Variants in TXLNB observed in about 807,000 individuals in gnomAD.
The protein encoded by TXLNB is taxilin beta, also known as beta-taxilin.
In TXLNB, 37 loss-of-function variants were observed where a neutral mutation model predicts 57.4. The ratio of observed to expected loss-of-function variants is 0.64; its 90% CI spans 0.50 to 0.85. TXLNB has a LOEUF of 0.85. Among genes scored for constraint, TXLNB ranks in the 40% least tolerant of loss-of-function variants. TXLNB has a pLI of 0.00. For missense variants in TXLNB, 848 were observed against 825.6 expected, an observed-to-expected ratio of 1.03 and a Z score of -0.33; for synonymous variants, 302 against 309.6, an observed-to-expected ratio of 0.98 and a Z score of 0.26.
At chr6:139,257,199 G>A (rs751306728) in intron 6 of TXLNB, among the ~76,000 whole-genome samples, 1 of 152,144 alleles carries the variant, frequency 6.6e-6, no homozygotes, top group Non-Finnish European at 1.5e-5. Context: ...TTAGGCTTGT[G>A]TGTGTGTGTG....
chr6:139,186,051 A>AGTT, the TXLNB span, among the ~76,000 whole-genome samples: 1 of 152,216 alleles, frequency 6.6e-6, no homozygotes, highest in African/African-American at 2.4e-5. Context: ...CCCTATAATC[A>AGTT]GTTGATTTTC....
At chr6:139,160,714 A>G in the TXLNB span, among the ~76,000 whole-genome samples, 1 of 152,220 alleles carries the variant, frequency 6.6e-6, no homozygotes, top group African/African-American at 2.4e-5. Flanking sequence ...GTGCCTGGCC[A>G]TACTTACTTA....
the TXLNB span, among the ~76,000 whole-genome samples, chr6:139,168,943 C>A: frequency 2.6e-5 from 4 of 152,094 alleles, no homozygotes; most frequent in African/African-American, 9.7e-5. Context: ...TCTGATGTTA[C>A]TCTTATTCCT....
chr6:139,244,611 A>G lies in TXLNB; in HGVS notation c.1250T>C (p.Leu417Ser), dbSNP rs1364392525. 6.2e-7 allele frequency: 1 copy of G among 1,613,450 alleles called. No individual in the cohort carries two copies. Among genetic ancestry groups the G allele is most frequent in the East Asian group, 2.2e-5 (1 of 44,878 alleles). ...ARFENCNKAL[L>S]DMIEEKALRA... Reference sequence around the variant, plus strand: ...CTTCCTCACCTCTTCAATCATGTCCAACAGAGCTTTGTTACAGTTCTCAAA... The same window carrying G: ...CTTCCTCACCTCTTCAATCATGTCCGACAGAGCTTTGTTACAGTTCTCAAA... Residue 417 changes from leucine (L) to serine (S), a missense_variant, in exon 9 of 10, where the codon TTG becomes TCG. By Grantham distance (145) the Leu-to-Ser change is moderately radical (BLOSUM62 -2). Coordinates refer to ENST00000358430, the MANE Select transcript of TXLNB (RefSeq NM_153235.4).
chr6:139,181,782 T>A, the TXLNB span, among the ~76,000 whole-genome samples: 171 of 152,340 alleles, frequency 1.1e-3, no homozygotes, highest in African/African-American at 4.0e-3. Context: ...TAGCCAGTTA[T>A]AAAAGAGGGT....
chr6:139,231,339 A>G, the TXLNB span, among the ~76,000 whole-genome samples: 1 of 152,048 alleles, frequency 6.6e-6, no homozygotes, highest in East Asian at 1.9e-4. Context: ...AGTTCCTAGC[A>G]CTGGAAGTGG....
chr6:139,238,701 A>C (rs765910333), downstream of TXLNB, among the ~76,000 whole-genome samples: 16 of 152,244 alleles, frequency 1.1e-4, no homozygotes, highest in Non-Finnish European at 1.8e-4. Flanking sequence ...AAATACAGAA[A>C]TGGAAATTAT....
At chr6:139,188,710 GAAA>G in the TXLNB span, among the ~76,000 whole-genome samples, 1 of 152,130 alleles carries the variant, frequency 6.6e-6, no homozygotes, top group Non-Finnish European at 1.5e-5. Flanking sequence ...AGAGCTTTTT[GAAA>G]AATTGTGTTG....
At chr6:139,305,249 G>A in the TXLNB span, among the ~76,000 whole-genome samples, 1 of 152,160 alleles carries the variant, frequency 6.6e-6, no homozygotes, top group Non-Finnish European at 1.5e-5. Flanking sequence ...TGTTGTGAAA[G>A]ATTGGAAATT....
chr6:139,214,172 CA>C, the TXLNB span, among the ~76,000 whole-genome samples: 170 of 151,998 alleles, frequency 1.1e-3, no homozygotes, highest in African/African-American at 4.0e-3. Context: ...AGAGACACAA[CA>C]AAAAAAGAGA....
chr6:139,264,349 G>A (rs970772467), intron 4 of TXLNB, among the ~76,000 whole-genome samples: 5 of 151,882 alleles, frequency 3.3e-5, no homozygotes, highest in African/African-American at 7.3e-5. Context: ...TTTGAATACC[G>A]TTTGTATTTA....
At chr6:139,303,874 T>TTA in the TXLNB span, among the ~76,000 whole-genome samples, 1 of 150,186 alleles carries the variant, frequency 6.7e-6, no homozygotes, top group Admixed American at 6.6e-5. Context: ...TTTTTTTTTT[T>TTA]AAACTAAAAG....
the TXLNB span, among the ~76,000 whole-genome samples, chr6:139,171,614 A>G: frequency 2.4e-4 from 36 of 152,032 alleles, no homozygotes; most frequent in Non-Finnish European, 4.1e-4. Flanking sequence ...ACATTCTTCT[A>G]TTTTTCTTTT....
At chr6:139,267,923 C>T (rs553732479) in intron 4 of TXLNB, among the ~76,000 whole-genome samples, 123 of 152,084 alleles carry the variant, frequency 8.1e-4, no homozygotes, top group African/African-American at 2.7e-3. Context: ...GAGGCCGAGG[C>T]GGGTAGATCA....
chr6:139,280,021 G>T (rs971831407), intron 2 of TXLNB, among the ~76,000 whole-genome samples: 2 of 152,098 alleles, frequency 1.3e-5, no homozygotes, highest in Non-Finnish European at 2.9e-5. Flanking sequence ...CATGCTTGCC[G>T]AGGCGGGCAG....
At chr6:139,159,539 C>T in the TXLNB span, among the ~76,000 whole-genome samples, 1 of 152,012 alleles carries the variant, frequency 6.6e-6, no homozygotes, top group African/African-American at 2.4e-5. Context: ...GGGTGAGGGC[C>T]AGGCTCTGTC....
At chr6:139,306,213 C>T in the TXLNB span, among the ~76,000 whole-genome samples, 7 of 152,294 alleles carry the variant, frequency 4.6e-5, no homozygotes, top group East Asian at 3.9e-4. Context: ...ATCAGTGTCT[C>T]CTTCCACAAA....
chr6:139,254,246 G>C (rs1355589338), intron 7 of TXLNB, among the ~76,000 whole-genome samples: 1 of 151,962 alleles, frequency 6.6e-6, no homozygotes, highest in Non-Finnish European at 1.5e-5. Context: ...CTGTATTTTT[G>C]TCTGTGCAGT....
chr6:139,189,038 T>G, the TXLNB span, among the ~76,000 whole-genome samples: 1 of 152,258 alleles, frequency 6.6e-6, no homozygotes, highest in African/African-American at 2.4e-5. Flanking sequence ...ATTACAGGCG[T>G]GAGCCACCAT....
Sources: gnomAD v4.1 joint callset for allele counts (sites outside exome capture counted in the v4.1 genomes callset) on GRCh38, gnomAD v4.1.1 for gene constraint, MANE v1.5 for transcripts, NCBI Gene and HGNC (gene_info 2026-07-23, HGNC 2026-07-21) for gene names.